RNF4: variants seen among roughly 807,000 people sequenced by gnomAD.
RNF4 encodes E3 ubiquitin-protein ligase RNF4.
Under a neutral mutation model 24.3 loss-of-function variants are expected in RNF4, and 7 were observed. The ratio of observed to expected loss-of-function variants is 0.29; its 90% CI spans 0.16 to 0.54. The LOEUF (loss-of-function observed/expected upper bound fraction) is 0.54, where lower values mean the gene tolerates loss of function less well. RNF4 is among the 20% of genes least tolerant of loss of function. The probability of loss-of-function intolerance (pLI) is 0.95; values close to 1 mark genes in which losing one functional copy is unlikely to be tolerated. For synonymous variants in RNF4, 83 were observed against 84.3 expected, an observed-to-expected ratio of 0.98 and a Z score of 0.09; for missense variants, 209 against 248.5, an observed-to-expected ratio of 0.84 and a Z score of 1.07.
rs1736316422 is a variant in RNF4, at chr4:2,513,137, T to C, written c.423+6T>C. The C allele has an allele frequency of 6.2e-7, 1 of 1,613,078 alleles. No homozygotes were observed. The highest frequency in any genetic ancestry group is 1.3e-5 in the African/African-American group (1 of 74,886). On this transcript the variant is annotated splice_donor_region_variant and intron_variant, in intron 7 of 7. Transcript: ENST00000314289. ...GCATGGACGGATACTCAGAGGTAAGTAAACCAAGCTGTATCTTCCAGGCTT... is the reference window on the plus strand; with the variant it reads ...GCATGGACGGATACTCAGAGGTAAGCAAACCAAGCTGTATCTTCCAGGCTT...
intron 1 of RNF4, among the ~76,000 whole-genome samples, chr4:2,484,305 G>A (rs554436039): frequency 6.6e-6 from 1 of 151,846 alleles, no homozygotes; most frequent in Non-Finnish European, 1.5e-5. Flanking sequence ...GCTCCCCACT[G>A]CCCCTTTTCA....
chr4:2,471,086 C>T (rs1281412539), intron 1 of RNF4: 1 of 151,876 alleles, frequency 6.6e-6, no homozygotes, highest in Non-Finnish European at 1.5e-5. Flanking sequence ...CCTGCCTCAG[C>T]CTCCGGAGTA....
intron 2 of RNF4, among the ~76,000 whole-genome samples, chr4:2,495,640 G>GGA (rs1491319459): frequency 3.8e-5 from 1 of 26,004 alleles, no homozygotes; most frequent in Admixed American, 5.9e-4. Flanking sequence ...TTTTTTTTTT[G>GGA]GGGGGGGGTG....
At chr4:2,484,445 T>C (rs988002986) in intron 1 of RNF4, among the ~76,000 whole-genome samples, 1 of 152,044 alleles carries the variant, frequency 6.6e-6, no homozygotes. Flanking sequence ...TTATGTATGA[T>C]AGAGACACAT....
At chr4:2,481,959 G>A (rs144544864) in intron 1 of RNF4, among the ~76,000 whole-genome samples, 71 of 152,328 alleles carry the variant, frequency 4.7e-4, no homozygotes, top group African/African-American at 1.5e-3. Flanking sequence ...TCTAGGTAAA[G>A]TGTTGAAGGA....
chr4:2,511,886 TG>T, intron 4 of RNF4, 69 bp from the exon 5 acceptor site: 4 of 1,493,760 alleles, frequency 2.7e-6, no homozygotes, highest in Non-Finnish European at 3.7e-6. Flanking sequence ...AAAAAAGAAA[TG>T]GCTTCGTTTA....
intron 1 of RNF4, among the ~76,000 whole-genome samples, chr4:2,484,901 A>G (rs1159495242): frequency 6.6e-6 from 1 of 152,066 alleles, no homozygotes; most frequent in Non-Finnish European, 1.5e-5. Flanking sequence ...CACAGGTGAC[A>G]TGGTCTCTAA....
At chr4:2,470,524 C>T (rs938014213) in intron 1 of RNF4, among the ~76,000 whole-genome samples, 14 of 152,190 alleles carry the variant, frequency 9.2e-5, no homozygotes, top group Admixed American at 3.3e-4. Context: ...GTTTATTGAT[C>T]TTTTCTTGAA....
chr4:2,513,726 C>G lies in RNF4; in HGVS notation c.480C>G (p.Ser160Arg), dbSNP rs765821901. ...CAGAATGCGGCCATGTCTTCTGTAGCCAGTGCCTCCGTGATTCCCTGAAGA... is the reference window on the plus strand; with the variant it reads ...CAGAATGCGGCCATGTCTTCTGTAGGCAGTGCCTCCGTGATTCCCTGAAGA... ...VSTECGHVFC[S>R]QCLRDSLKNA... The change falls in exon 8 of 8, where the codon AGC (serine) becomes AGG (arginine). Residue 160 changes from serine to arginine, a missense_variant. Ser to Arg is a moderately radical substitution (Grantham distance 110). Transcript: ENST00000314289. The G allele has an allele frequency of 6.2e-7, 1 of 1,613,960 alleles. No individual in the cohort carries two copies. Among genetic ancestry groups the G allele is most frequent in the Non-Finnish European group, 8.5e-7 (1 of 1,179,892 alleles).
At chr4:2,502,646 C>A (rs1488552747) in intron 4 of RNF4, among the ~76,000 whole-genome samples, 10 of 146,120 alleles carry the variant, frequency 6.8e-5, no homozygotes, top group Non-Finnish European at 1.3e-4. Flanking sequence ...CACTCCAGCC[C>A]GGGCAACAGA....
chr4:2,485,230 T>C (rs1450102903), intron 1 of RNF4, among the ~76,000 whole-genome samples: 1 of 152,212 alleles, frequency 6.6e-6, no homozygotes, highest in Non-Finnish European at 1.5e-5. Context: ...ACTTCCGTGT[T>C]TGAGCTCACT....
chr4:2,476,691 C>T (rs926315158), intron 1 of RNF4, among the ~76,000 whole-genome samples: 1 of 147,752 alleles, frequency 6.8e-6, no homozygotes, highest in Non-Finnish European at 1.5e-5. Context: ...ACGTCCAGCC[C>T]TTTTCTTTCT....
At chr4:2,507,342 A>G (rs559764054) in intron 4 of RNF4, among the ~76,000 whole-genome samples, 7 of 152,204 alleles carry the variant, frequency 4.6e-5, no homozygotes, top group Non-Finnish European at 7.3e-5. Context: ...AAGCCCAAAC[A>G]TCATATCCAG....
chr4:2,497,886 G>C (rs963431179), intron 3 of RNF4, among the ~76,000 whole-genome samples: 1 of 152,056 alleles, frequency 6.6e-6, no homozygotes, highest in African/African-American at 2.4e-5. Context: ...CACCCGTCTC[G>C]GCCTCCCAAA....
Position 2,513,648 on chromosome 4 carries a change from T to C in RNF4, c.424-22T>C, listed in dbSNP as rs781190878. On this transcript the variant is annotated intron_variant, in intron 7 of 7. Coordinates refer to ENST00000314289, the MANE Select transcript of RNF4 (RefSeq NM_002938.5). ...CTGGGACAAGGGCAAACTCGGAGGC[T>C]CTTCTTTTTAATGCCTTCTAGATCG... 21 of 1,612,004 alleles carry C rather than the reference T, an allele frequency of 1.3e-5. No homozygotes were observed. In the South Asian group the frequency reaches 1.6e-4, roughly 13 times the overall value.
In RNF4 at chr4:2,508,579, TTTTTGTTTTG is replaced by T. The variant is rs201056524; in HGVS notation, c.205-3362_205-3353del. Among the ~76,000 whole-genome samples the T allele has an allele frequency of 7.9e-5, 12 of 152,052 alleles. No individual in the cohort carries two copies. The East Asian group carries it at 1.2e-3, about 15-fold the overall frequency. On this transcript the variant is annotated intron_variant, in intron 4 of 7. Coordinates refer to ENST00000314289, the MANE Select transcript of RNF4 (RefSeq NM_002938.5). ...TGGTTTTGTTTTTTTGTTTGTTTGG[TTTTTGTTTTG>T]TTTTGTTTTGTTTTTTGTTTTTGTT...
intron 2 of RNF4, among the ~76,000 whole-genome samples, chr4:2,491,102 G>C (rs547970482): frequency 1.3e-5 from 2 of 152,274 alleles, no homozygotes; most frequent in East Asian, 3.9e-4. Flanking sequence ...CCAGTTTTCT[G>C]TTTTCCCGTC....
chr4:2,490,684 T>C (rs1735553236), intron 2 of RNF4, 182 bp downstream of exon 2: 4 of 596,160 alleles, frequency 6.7e-6, no homozygotes, highest in African/African-American at 3.7e-5. Flanking sequence ...TTGAGCTACA[T>C]TCGAGTCATA....
intron 1 of RNF4, among the ~76,000 whole-genome samples, chr4:2,483,174 A>G (rs1308116512): frequency 2.0e-5 from 3 of 152,088 alleles, no homozygotes; most frequent in Admixed American, 6.5e-5. Flanking sequence ...TCCCATTCCT[A>G]GCCCCTGGAG....
Sources: gnomAD v4.1 joint callset for allele counts (sites outside exome capture counted in the v4.1 genomes callset) on GRCh38, gnomAD v4.1.1 for gene constraint, MANE v1.5 for transcripts, NCBI Gene and HGNC (gene_info 2026-07-23, HGNC 2026-07-21) for gene names.